CLEC10A: variants seen among roughly 807,000 people sequenced by gnomAD.
CLEC10A encodes C-type lectin domain containing 10A.
In CLEC10A, 38 loss-of-function variants were observed where a neutral mutation model predicts 42.0. The observed-to-expected ratio is 0.90, with a 90% CI of 0.70 to 1.18. The LOEUF is 1.18. Among genes scored for constraint, CLEC10A ranks in the 50% most tolerant of loss-of-function variants. CLEC10A has a pLI of 0.00. For synonymous variants in CLEC10A, 126 were observed against 139.9 expected, an observed-to-expected ratio of 0.90 and a Z score of 0.70; for missense variants, 298 against 345.9, an observed-to-expected ratio of 0.86 and a Z score of 1.10.
At chr17:7,076,604 G>T in intron 5 of CLEC10A, 129 bp downstream of exon 5, 1 of 1,058,056 alleles carries the variant, frequency 9.5e-7, no homozygotes. Flanking sequence ...GAACCACTGC[G>T]CCCGGCCTGC....
chr17:7,079,125 A>G (rs444207), intron 1 of CLEC10A, among the ~76,000 whole-genome samples: 74,673 of 152,022 alleles, frequency 0.49, 22,393 homozygotes, highest in African/African-American at 0.85. Context: ...TGGAGGTTGT[A>G]TCTCATGCTA....
intron 3 of CLEC10A, 81 bp from the exon 4 acceptor site, chr17:7,077,068 T>C (rs1230794200): frequency 1.2e-5 from 12 of 975,794 alleles, no homozygotes; most frequent in East Asian, 2.4e-5. Context: ...TCCATAAGCA[T>C]TGCCTTATTG....
chr17:7,078,886 C>G lies in CLEC10A; in HGVS notation c.-73-1G>C. The G allele has an allele frequency of 7.0e-7, 1 of 1,434,566 alleles. No individual in the cohort carries two copies. The highest frequency in any genetic ancestry group is 2.3e-5 in the East Asian group (1 of 44,052). 88.9% of individuals were successfully genotyped at this position (1,434,566 alleles called of 1,614,324 possible). A position where few individuals can be genotyped will look rare whatever the true frequency, so the allele number is the denominator to read the frequency against. Reference sequence around the variant, plus strand: ...GGCCGGCGCCCAGTCTGGGGTGGAGCTGGGGAATAGGAGGTTGGGACTAAG... The same window carrying G: ...GGCCGGCGCCCAGTCTGGGGTGGAGGTGGGGAATAGGAGGTTGGGACTAAG... On this transcript the variant is annotated splice_acceptor_variant, in intron 1 of 8. Transcript: ENST00000416562. LOFTEE classifies it low-confidence loss of function (5UTR_SPLICE).
Position 7,074,941 on chromosome 17 carries a change from C to T in CLEC10A, c.*113G>A, listed in dbSNP as rs961730350. The T allele has an allele frequency of 1.2e-5, 9 of 771,198 alleles. 1 individual carries two copies. Among genetic ancestry groups the T allele is most frequent in the South Asian group, 1.1e-4 (3 of 26,534 alleles). 47.8% of individuals were successfully genotyped at this position (771,198 alleles called of 1,614,324 possible). On this transcript the variant is annotated 3_prime_UTR_variant, in exon 9 of 9. Coordinates refer to ENST00000416562, the MANE Select transcript of CLEC10A (RefSeq NM_001330070.2). ...AAAAAAATTCAAAATGTTAGCAGTG[C>T]TTCCAATCTCCCAGTGCTTATTTCT...
chr17:7,078,898 A>C lies in CLEC10A; in HGVS notation c.-73-13T>G. ...GTCTGGGGTGGAGCTGGGGAATAGGAGGTTGGGACTAAGTTGGAGCCAAGG... is the reference window on the plus strand; with the variant it reads ...GTCTGGGGTGGAGCTGGGGAATAGGCGGTTGGGACTAAGTTGGAGCCAAGG... On this transcript the variant is annotated splice_polypyrimidine_tract_variant and intron_variant, in intron 1 of 8. Transcript: ENST00000416562. 7.8e-7 allele frequency: 1 copy of C among 1,290,032 alleles called. No individual in the cohort carries two copies. Among genetic ancestry groups the C allele is most frequent in the Non-Finnish European group, 1.1e-6 (1 of 885,174 alleles). The allele number at this position is 1,290,032 out of a possible 1,614,324, so 79.9% of individuals were successfully genotyped here.
intron 2 of CLEC10A, among the ~76,000 whole-genome samples, chr17:7,078,320 C>T (rs1911977193): frequency 6.6e-6 from 1 of 152,108 alleles, no homozygotes; most frequent in Non-Finnish European, 1.5e-5. Context: ...CCCCTCACAC[C>T]CCTGGGGACC....
At chr17:7,077,765 C>CCAT (rs1911927497) in intron 3 of CLEC10A, among the ~76,000 whole-genome samples, 2 of 151,932 alleles carry the variant, frequency 1.3e-5, no homozygotes, top group South Asian at 4.2e-4. Context: ...ATCAATCACT[C>CCAT]CATCAGTGCC....
At chr17:7,076,137 T>G in intron 5 of CLEC10A, 66 bp from the exon 6 acceptor site, 1 of 1,614,004 alleles carries the variant, frequency 6.2e-7, no homozygotes, top group Non-Finnish European at 8.5e-7. Flanking sequence ...AGTGTGTTCC[T>G]GGAGCTCAGA....
At chr17:7,077,895 G>A (rs1380000712) in intron 3 of CLEC10A, 102 bp downstream of exon 3, 12 of 869,342 alleles carry the variant, frequency 1.4e-5, no homozygotes, top group Non-Finnish European at 2.1e-5. Context: ...TGCTCCTACT[G>A]TGGACCTCAC....
intron 7 of CLEC10A, 44 bp from the exon 8 acceptor site, chr17:7,075,510 CA>C (rs775092084): frequency 4.7e-6 from 7 of 1,490,148 alleles, no homozygotes; most frequent in Non-Finnish European, 5.5e-6. Context: ...CCATCCCAGC[CA>C]ACTCCTTAAA....
chr17:7,075,891 TGGGGAGAAATA>T lies in CLEC10A; in HGVS notation c.440-17_440-7del. 6.3e-7 allele frequency: 1 copy of T among 1,580,604 alleles called. No individual in the cohort carries two copies. The highest frequency in any genetic ancestry group is 8.5e-7 in the Non-Finnish European group (1 of 1,171,228). ...GCAGGTCCCTTCAGTGGAGGCTGAT[TGGGGAGAAATA>T]GGATAGGGTGGAGAGGCTGAGGCTC... is the stretch of plus-strand genomic sequence containing the variant. On this transcript the variant is annotated splice_polypyrimidine_tract_variant and splice_region_variant and intron_variant, in intron 6 of 8. Transcript: ENST00000416562.
At position 7,077,042 on chromosome 17, in the gene CLEC10A, G is replaced by A. The variant is rs976756510; in HGVS notation, c.185-55C>T. 8.8e-6 allele frequency: 11 copies of A among 1,253,678 alleles called. No homozygotes were observed. In the African/African-American group the frequency reaches 1.6e-4, roughly 19 times the overall value. 77.7% of individuals were successfully genotyped at this position (1,253,678 alleles called of 1,614,324 possible). A position where few individuals can be genotyped will look rare whatever the true frequency, so the allele number is the denominator to read the frequency against. On this transcript the variant is annotated intron_variant, in intron 3 of 8. Transcript: ENST00000416562. ...GGGATTCATCAGGTCCTCTGTACCAGCACCGAGCAGGGCCCTCCATAAGCA... is the reference window on the plus strand; with the variant it reads ...GGGATTCATCAGGTCCTCTGTACCAACACCGAGCAGGGCCCTCCATAAGCA...
chr17:7,078,405 G>T (rs1345834440), intron 2 of CLEC10A: 18 of 502,018 alleles, frequency 3.6e-5, no homozygotes, highest in Non-Finnish European at 5.7e-5. Context: ...AGAGCTGGGG[G>T]CAGCCAGCCC....
Position 7,078,782 on chromosome 17 carries a change from A to G in CLEC10A, c.31T>C (p.Leu11=), listed in dbSNP as rs755314545. The G allele has an allele frequency of 1.2e-5, 20 of 1,614,044 alleles. No homozygotes were observed. The East Asian group carries it at 4.5e-4, about 36-fold the overall frequency. The change falls in exon 2 of 9, where the codon TTG becomes CTG. Residue 11 remains leucine, a synonymous_variant. Coordinates refer to ENST00000416562, the MANE Select transcript of CLEC10A (RefSeq NM_001330070.2). MTRTYENFQY[L]ENKVKVQGFK... ...CCCTGGACTTTCACCTTATTCTCCA[A>G]GTACTGGAAGTTTTCATACGTCCTT... is the stretch of plus-strand genomic sequence containing the variant.
intron 5 of CLEC10A, among the ~76,000 whole-genome samples, chr17:7,076,351 C>T (rs1911746650): frequency 7.0e-6 from 1 of 143,846 alleles, no homozygotes; most frequent in African/African-American, 2.6e-5. Flanking sequence ...ACTCTTGCTG[C>T]CCAGGCTGGA....
At position 7,075,058 on chromosome 17, in the gene CLEC10A, TG is replaced by T. The variant is rs1429984851; in HGVS notation, c.865del (p.His289ThrfsTer45). 1 of 1,560,288 alleles carries T rather than the reference TG, an allele frequency of 6.4e-7. No individual in the cohort carries two copies. Among genetic ancestry groups the T allele is most frequent in the Non-Finnish European group, 8.6e-7 (1 of 1,160,786 alleles). On this transcript the variant is annotated frameshift_variant, in exon 9 of 9. Transcript: ENST00000416562. LOFTEE classifies it high-confidence loss of function. ...AGLGQTSQES[H>X] is the part of the protein sequence containing the mutation. Reference sequence around the variant, plus strand: ...GGTGGTCCCACCAAAGGCAGCTCAGTGACTCTCCTGGCTGGTCTGACCCAGG... The same window carrying T: ...GGTGGTCCCACCAAAGGCAGCTCAGTACTCTCCTGGCTGGTCTGACCCAGG...
At chr17:7,075,699 T>C in intron 7 of CLEC10A, 32 bp downstream of exon 7, 1 of 1,614,102 alleles carries the variant, frequency 6.2e-7, no homozygotes, top group Non-Finnish European at 8.5e-7. Context: ...AAATGGGACA[T>C]GTCTTAGGAA....
chr17:7,079,123 G>T (rs987896921), intron 1 of CLEC10A, among the ~76,000 whole-genome samples: 1 of 152,206 alleles, frequency 6.6e-6, no homozygotes, highest in Non-Finnish European at 1.5e-5. Context: ...ACTGGAGGTT[G>T]TATCTCATGC....
chr17:7,075,248 T>A, intron 8 of CLEC10A, 26 bp from the exon 9 acceptor site: 1 of 1,515,942 alleles, frequency 6.6e-7, no homozygotes, highest in Non-Finnish European at 8.8e-7. Flanking sequence ...AACAGCAAGC[T>A]AGGAAGGGTA....
Sources: gnomAD v4.1 joint callset for allele counts (sites outside exome capture counted in the v4.1 genomes callset) on GRCh38, gnomAD v4.1.1 for gene constraint, MANE v1.5 for transcripts, NCBI Gene and HGNC (gene_info 2026-07-23, HGNC 2026-07-21) for gene names.